Variants in BLTP1 observed in about 807,000 individuals in gnomAD.
BLTP1 encodes bridge-like lipid transfer protein family member 1, also known as fragile site-associated protein.
At chr4:122,349,896 C>T in the BLTP1 span, 1 of 1,613,510 alleles carries the variant, frequency 6.2e-7, no homozygotes, top group East Asian at 2.2e-5. The surrounding 1 kb of genome is among the most constrained non-coding windows in gnomAD (Gnocchi z 4.5). Context: ...GGGATATTTT[C>T]CAAGTAATGA....
the BLTP1 span, among the ~76,000 whole-genome samples, chr4:122,161,901 A>G: frequency 6.6e-6 from 1 of 152,242 alleles, no homozygotes; most frequent in Non-Finnish European, 1.5e-5. Flanking sequence ...GCTCAATGCC[A>G]GGAACTTTGT....
chr4:122,269,074 T>C, the BLTP1 span: 1 of 961,054 alleles, frequency 1.0e-6, no homozygotes, highest in Non-Finnish European at 1.2e-6. Context: ...AAAACATTAA[T>C]ACCTACACAT....
chr4:122,317,143 G>C, the BLTP1 span, among the ~76,000 whole-genome samples: 1 of 151,974 alleles, frequency 6.6e-6, no homozygotes, highest in Non-Finnish European at 1.5e-5. Context: ...ACCAGCCTGG[G>C]TGACATGGTG....
At chr4:122,224,344 G>A in the BLTP1 span, 1,256 of 371,388 alleles carry the variant, frequency 3.4e-3, 28 homozygotes, top group African/African-American at 0.026. Context: ...ATACCTCTGC[G>A]GGTACAAGGT....
the BLTP1 span, chr4:122,192,309 T>C: frequency 6.2e-7 from 1 of 1,613,786 alleles, no homozygotes; most frequent in East Asian, 2.2e-5. Context: ...CTTGCCTCCA[T>C]GTTGGGGACT....
chr4:122,314,710 C>A, the BLTP1 span, among the ~76,000 whole-genome samples: 1 of 152,094 alleles, frequency 6.6e-6, no homozygotes, highest in African/African-American at 2.4e-5. Context: ...TAGAGTCTGA[C>A]AAAGAACTGG....
the BLTP1 span, chr4:122,247,045 G>T: frequency 1.5e-6 from 2 of 1,308,460 alleles, no homozygotes; most frequent in Non-Finnish European, 2.1e-6. Flanking sequence ...ACTACTATTG[G>T]TGTATAATAG....
the BLTP1 span, among the ~76,000 whole-genome samples, chr4:122,268,730 A>C: frequency 2.7e-4 from 41 of 152,044 alleles, no homozygotes; most frequent in Non-Finnish European, 5.3e-4. Flanking sequence ...TTTTTGTAAA[A>C]TGTTATGGGG....
chr4:122,258,729 A>G, the BLTP1 span: 1 of 1,613,830 alleles, frequency 6.2e-7, no homozygotes, highest in African/African-American at 1.3e-5. Flanking sequence ...CAATGCTATT[A>G]GAAGGAACAG....
the BLTP1 span, chr4:122,315,382 G>A: frequency 6.4e-7 from 1 of 1,558,938 alleles, no homozygotes; most frequent in Non-Finnish European, 8.8e-7. Flanking sequence ...GTTATTATAT[G>A]TGGCCATTAT....
chr4:122,326,250 A>T, the BLTP1 span, among the ~76,000 whole-genome samples: 2 of 151,810 alleles, frequency 1.3e-5, no homozygotes, highest in African/African-American at 4.8e-5. Context: ...ATAAACAAAG[A>T]TCAGTTCAAA....
the BLTP1 span, chr4:122,262,631 A>G: frequency 1.9e-6 from 2 of 1,051,672 alleles, no homozygotes; most frequent in African/African-American, 1.6e-5. Flanking sequence ...CAATCCTAGT[A>G]TACATGATCA....
the BLTP1 span, chr4:122,333,556 G>T: frequency 2.1e-6 from 3 of 1,462,140 alleles, no homozygotes; most frequent in Non-Finnish European, 1.8e-6. Context: ...AGTAGGTTGC[G>T]AAAAGTTTGC....
At chr4:122,184,264 C>T in the BLTP1 span, among the ~76,000 whole-genome samples, 1 of 151,056 alleles carries the variant, frequency 6.6e-6, no homozygotes, top group African/African-American at 2.5e-5. Flanking sequence ...GTTTAGCCAT[C>T]TCTGCAGTGT....
At chr4:122,304,806 A>G in the BLTP1 span, 14 of 1,613,582 alleles carry the variant, frequency 8.7e-6, no homozygotes, top group Admixed American at 3.3e-5. Flanking sequence ...AGGGTATTCA[A>G]GTAACGGCCA....
chr4:122,341,103 G>A, the BLTP1 span, among the ~76,000 whole-genome samples: 13 of 151,958 alleles, frequency 8.6e-5, no homozygotes, highest in Non-Finnish European at 1.5e-4. Context: ...GGGTTATTTT[G>A]CTTTCAAAAT....
At chr4:122,152,866 C>A in the BLTP1 span, 1 of 449,406 alleles carries the variant, frequency 2.2e-6, no homozygotes, top group Non-Finnish European at 2.9e-6. Context: ...GCTCCACTTG[C>A]TGGTGTGTGG....
At chr4:122,276,539 C>G in the BLTP1 span, 1 of 984,776 alleles carries the variant, frequency 1.0e-6, no homozygotes, top group Non-Finnish European at 1.2e-6. Flanking sequence ...TAGATGAATG[C>G]TGTTCACATC....
At chr4:122,231,825 A>C in the BLTP1 span, 1 of 971,814 alleles carries the variant, frequency 1.0e-6, no homozygotes, top group Non-Finnish European at 1.2e-6. Flanking sequence ...TCCCAAAAGA[A>C]CCTGGGGTCC....
Sources: allele counts gnomAD v4.1 joint callset (sites outside exome capture counted in the v4.1 genomes callset), GRCh38; gene constraint gnomAD v4.1.1; non-coding constraint Gnocchi (gnomAD v3.1); transcripts MANE v1.5; gene names NCBI Gene and HGNC (gene_info 2026-07-23, HGNC 2026-07-21).